NMT2: variants seen among roughly 807,000 people sequenced by gnomAD.
The protein encoded by NMT2 is glycylpeptide N-tetradecanoyltransferase 2.
A neutral mutation model predicts 65.4 loss-of-function variants in NMT2; 35 were observed. The ratio of observed to expected loss-of-function variants is 0.54; its 90% CI spans 0.41 to 0.71. NMT2 has a LOEUF of 0.71. Among genes scored for constraint, NMT2 ranks in the 30% least tolerant of loss-of-function variants. The pLI, the probability that NMT2 is intolerant of heterozygous loss-of-function variation, is 0.00. For synonymous variants in NMT2, 226 were observed against 231.8 expected, an observed-to-expected ratio of 0.98 and a Z score of 0.23; for missense variants, 489 against 611.3, an observed-to-expected ratio of 0.80 and a Z score of 2.11.
At position 15,164,269 on chromosome 10, in the gene NMT2, A is replaced by T. The variant is rs556406606; in HGVS notation, c.110+4234T>A. On this transcript the variant is annotated intron_variant, in intron 1 of 11. Coordinates refer to ENST00000378165, the MANE Select transcript of NMT2 (RefSeq NM_004808.3). ...TTTAGTCATGTATCTGCCAACAAAAACATACTCACCTATGTTTATTTTGGT... is the reference window on the plus strand; with the variant it reads ...TTTAGTCATGTATCTGCCAACAAAATCATACTCACCTATGTTTATTTTGGT... Among the ~76,000 whole-genome samples, 15 of 152,174 alleles carry T rather than the reference A, an allele frequency of 9.9e-5. No homozygotes were observed. In the East Asian group the frequency reaches 2.7e-3, roughly 27 times the overall value.
In NMT2 at chr10:15,112,975, A is replaced by G. The variant is rs7072269; in HGVS notation, c.1171-12T>C. The G allele has an allele frequency of 0.93, 1,493,800 of 1,613,582 alleles. 692,294 individuals are homozygous for G. The highest frequency in any genetic ancestry group is 1 in the East Asian group (44,852 of 44,856). ...TTACCGTTGGGGCTCTAGGAGCAAA[A>G]GTGCTGTCAGACAGAGATCTCCTTG... On this transcript the variant is annotated splice_polypyrimidine_tract_variant and intron_variant, in intron 9 of 11. Coordinates refer to ENST00000378165, the MANE Select transcript of NMT2 (RefSeq NM_004808.3).
intron 1 of NMT2, among the ~76,000 whole-genome samples, chr10:15,156,934 A>T (rs1833022591): frequency 6.6e-6 from 1 of 152,188 alleles, no homozygotes; most frequent in African/African-American, 2.4e-5. Flanking sequence ...GAACTTTTTA[A>T]AAACTTCATT....
intron 1 of NMT2, among the ~76,000 whole-genome samples, chr10:15,160,107 C>A (rs973022875): frequency 2.6e-5 from 4 of 152,182 alleles, no homozygotes; most frequent in Non-Finnish European, 4.4e-5. Flanking sequence ...CACAGAAAGG[C>A]GTGAGCAGTA....
intron 7 of NMT2, among the ~76,000 whole-genome samples, chr10:15,128,997 G>A (rs532849308): frequency 3.9e-5 from 6 of 152,272 alleles, no homozygotes; most frequent in Admixed American, 3.9e-4. Flanking sequence ...AACAGAGCAA[G>A]ACCGTCTCAC....
At chr10:15,141,651 G>C in intron 1 of NMT2, 94 bp from the exon 2 acceptor site, 1 of 1,425,102 alleles carries the variant, frequency 7.0e-7, no homozygotes, top group South Asian at 1.4e-5. Context: ...AAAAAACACA[G>C]CTGTTACATG....
At chr10:15,158,303 G>C (rs1308726070) in intron 1 of NMT2, among the ~76,000 whole-genome samples, 3 of 146,796 alleles carry the variant, frequency 2.0e-5, no homozygotes, top group Non-Finnish European at 4.5e-5. Flanking sequence ...GTAACAGAGA[G>C]ATACTCTGTC....
chr10:15,150,190 G>A (rs1832753740), intron 1 of NMT2, among the ~76,000 whole-genome samples: 1 of 152,140 alleles, frequency 6.6e-6, no homozygotes, highest in African/African-American at 2.4e-5. Context: ...CCCACCGTTG[G>A]GGAAGTTAGC....
chr10:15,107,994 G>A lies in NMT2; in HGVS notation c.*1201C>T. 1.0e-6 allele frequency: 1 copy of A among 985,734 alleles called. No individual in the cohort carries two copies. Among genetic ancestry groups the A allele is most frequent in the African/African-American group, 1.7e-5 (1 of 57,362 alleles). 61.1% of individuals were successfully genotyped at this position (985,734 alleles called of 1,614,324 possible). On this transcript the variant is annotated 3_prime_UTR_variant, in exon 12 of 12. Transcript: ENST00000378165. Reference sequence around the variant, plus strand: ...TGATAAAATCAGCATAGAGGAGTATGTGCAATTTTGCATAAGTAATAAAAA... The same window carrying A: ...TGATAAAATCAGCATAGAGGAGTATATGCAATTTTGCATAAGTAATAAAAA...
In NMT2 at chr10:15,107,476, G is replaced by T. The variant is rs752201523; in HGVS notation, c.*1719C>A. On this transcript the variant is annotated 3_prime_UTR_variant, in exon 12 of 12. Transcript: ENST00000378165. Reference sequence around the variant, plus strand: ...AGTATCTACTTTTGTTTTTTGAGACGGAGTCTTGCACTGTCACCCAGGCTG... The same window carrying T: ...AGTATCTACTTTTGTTTTTTGAGACTGAGTCTTGCACTGTCACCCAGGCTG... The T allele has an allele frequency of 1.0e-6, 1 of 982,238 alleles. No homozygotes were observed. Among genetic ancestry groups the T allele is most frequent in the South Asian group, 4.7e-5 (1 of 21,232 alleles). The allele number at this position is 982,238 out of a possible 1,614,324, so 60.8% of individuals were successfully genotyped here. A position where few individuals can be genotyped will look rare whatever the true frequency, so the allele number is the denominator to read the frequency against.
intron 10 of NMT2, among the ~76,000 whole-genome samples, chr10:15,112,174 T>TTTTATATA (rs1453766616): frequency 6.9e-5 from 2 of 28,874 alleles, no homozygotes; most frequent in Non-Finnish European, 1.3e-4. Flanking sequence ...GATATGGGCT[T>TTTTATATA]TATATATATA....
chr10:15,156,940 T>C (rs1040117231), intron 1 of NMT2, among the ~76,000 whole-genome samples: 2 of 152,084 alleles, frequency 1.3e-5, no homozygotes, highest in African/African-American at 4.8e-5. Context: ...TTTAAAAACT[T>C]CATTTGGAAA....
At chr10:15,127,705 C>A (rs192051687) in intron 8 of NMT2, among the ~76,000 whole-genome samples, 75 of 151,662 alleles carry the variant, frequency 4.9e-4, no homozygotes, top group Non-Finnish European at 8.4e-4. Flanking sequence ...GAGTCTGAGG[C>A]CAGCCTGGCC....
Position 15,168,523 on chromosome 10 carries a change from C to G in NMT2, c.90G>C (p.Glu30Asp). ...DTCGIDGDNE[E>D]ETEHAKGSPG... ...CCTACCCTTTGGCGTGCTCCGTCTC[C>G]TCCTCATTGTCCCCGTCTATCCCGC... The change falls in exon 1 of 12, where the codon GAG becomes GAC. Residue 30 changes from glutamate (E) to aspartate (D), a missense_variant. Physicochemically the swap from Glu to Asp is conservative, Grantham distance 45. Transcript: ENST00000378165. 6.3e-7 allele frequency: 1 copy of G among 1,588,824 alleles called. No individual in the cohort carries two copies. Among genetic ancestry groups the G allele is most frequent in the Non-Finnish European group, 8.5e-7 (1 of 1,170,184 alleles).
chr10:15,158,923 C>G (rs1177656921), intron 1 of NMT2, among the ~76,000 whole-genome samples: 1 of 152,150 alleles, frequency 6.6e-6, no homozygotes, highest in Non-Finnish European at 1.5e-5. Context: ...CTATTTACCC[C>G]CCAAAGGTGC....
intron 3 of NMT2, among the ~76,000 whole-genome samples, chr10:15,134,606 TAACAGACACTC>T (rs1846407474): frequency 6.6e-6 from 1 of 152,142 alleles, no homozygotes; most frequent in South Asian, 2.1e-4. Flanking sequence ...TGGCATTTAA[TAACAGACACTC>T]AACAGACACC....
rs1404530839 is a variant in NMT2, at chr10:15,127,583, T to A, written c.999+767A>T. The stretch of plus-strand genomic sequence containing the variant: ...AAAAAAAAAAAAATAAATAAATAAA[T>A]AAATAAATAAATAAAATAAAATAAA... On this transcript the variant is annotated intron_variant, in intron 8 of 11. Coordinates refer to ENST00000378165, the MANE Select transcript of NMT2 (RefSeq NM_004808.3). Among the ~76,000 whole-genome samples the A allele has an allele frequency of 3.9e-3, 246 of 62,638 alleles. 2 individuals carry two copies. The highest frequency in any genetic ancestry group is 6.4e-3 in the African/African-American group (66 of 10,366). 41.1% of individuals were successfully genotyped at this position (62,638 alleles called of 152,430 possible).
intron 10 of NMT2, 122 bp from the exon 11 acceptor site, chr10:15,109,961 G>A (rs928541813): frequency 2.6e-5 from 20 of 768,138 alleles, no homozygotes; most frequent in Admixed American, 2.9e-5. Flanking sequence ...TTTAACGTCC[G>A]TGATATATAG....
chr10:15,136,294 G>T (rs1361045537), intron 2 of NMT2, among the ~76,000 whole-genome samples: 1 of 149,378 alleles, frequency 6.7e-6, no homozygotes, highest in East Asian at 2.0e-4. Context: ...AGGAGGGAGA[G>T]AGAGAGAAGG....
intron 1 of NMT2, among the ~76,000 whole-genome samples, chr10:15,164,122 G>GCAGT (rs955992677): frequency 1.1e-4 from 16 of 145,706 alleles, no homozygotes; most frequent in African/African-American, 4.1e-4. Context: ...GGCAGAGCTT[G>GCAGT]CAGTGAGCCG....
Sources: gnomAD v4.1 joint callset for allele counts (sites outside exome capture counted in the v4.1 genomes callset) on GRCh38, gnomAD v4.1.1 for gene constraint, MANE v1.5 for transcripts, NCBI Gene and HGNC (gene_info 2026-07-23, HGNC 2026-07-21) for gene names.